Variants in RPAP1 observed in about 807,000 individuals in gnomAD.
RPAP1 encodes RNA polymerase II-associated protein 1.
A neutral mutation model predicts 142.4 loss-of-function variants in RPAP1; 109 were observed. The ratio of observed to expected loss-of-function variants is 0.77; its 90% CI spans 0.66 to 0.90. The LOEUF (loss-of-function observed/expected upper bound fraction) is 0.90. Among genes scored for constraint, RPAP1 ranks in the 40% least tolerant of loss-of-function variants. RPAP1 has a pLI of 0.00. For synonymous variants in RPAP1, 704 were observed against 738.9 expected (o/e 0.95, Z 0.77); for missense variants, 1,546 against 1,751.7 (o/e 0.88, Z 2.10).
In RPAP1 at chr15:41,534,893, C is replaced by A; in HGVS notation, c.584G>T (p.Cys195Phe). Residue 195 changes from cysteine (C) to phenylalanine (F), a missense_variant, in exon 6 of 25, where the codon TGC (cysteine) becomes TTC (phenylalanine). Cys to Phe is a radical substitution (Grantham distance 205, BLOSUM62 -2). This residue lies in a region of RPAP1 where 1,333 missense variants were observed against 1,486.6 expected (regional missense o/e 0.90). Coordinates refer to ENST00000304330, the MANE Select transcript of RPAP1 (RefSeq NM_015540.4). ...CETPTPRNQGCQLPGSSHSFQ... is the reference protein window; with the variant it reads ...CETPTPRNQGFQLPGSSHSFQ... ...GCTGTGGCTGCTCCCAGGAAGCTGG[C>A]AGCCCTGGTTCCTAGGAGTGGGTGT... The A allele has an allele frequency of 6.2e-7, 1 of 1,614,244 alleles. No homozygotes were observed. Among genetic ancestry groups the A allele is most frequent in the African/African-American group, 1.3e-5 (1 of 75,072 alleles).
chr15:41,520,470 C>T lies in RPAP1; in HGVS notation c.3716G>A (p.Arg1239Gln), dbSNP rs369007472. 6.8e-6 allele frequency: 11 copies of T among 1,613,968 alleles called. No homozygotes were observed. The highest frequency in any genetic ancestry group is 2.7e-5 in the African/African-American group (2 of 74,924). The part of the protein sequence containing the change: ...GALVLLPLQR[R>Q]FSVTLRLALF... ...GGCAAGGCGCAAGGTGACACTGAAC[C>T]GACGCTGCAGGGGCAGGAGGACCAG... is the stretch of plus-strand genomic sequence containing the variant. Residue 1239 changes from arginine (R) to glutamine (Q), a missense_variant, in exon 22 of 25, where the codon CGG (arginine) becomes CAG (glutamine). Transcript: ENST00000304330.
At chr15:41,528,559 GGA>G (rs367552869) in intron 9 of RPAP1, among the ~76,000 whole-genome samples, 2 of 152,174 alleles carry the variant, frequency 1.3e-5, no homozygotes, top group Non-Finnish European at 2.9e-5. Flanking sequence ...CCGGCGGACA[GGA>G]GAGAGAGAGA....
In RPAP1 at chr15:41,529,978, A is replaced by C. The variant is rs1239101077; in HGVS notation, c.945T>G (p.Ala315=). Residue 315 remains alanine (A), a splice_region_variant and synonymous_variant, in exon 8 of 25, where the codon GCT becomes GCG. Coordinates refer to ENST00000304330, the MANE Select transcript of RPAP1 (RefSeq NM_015540.4). The part of the protein sequence containing the change: ...KRDKLEPEAP[A]LALPVTPQKE... ...TCTGAGGGGTCACGGGCAATGCCAG[A>C]GCTGGGGAGACAAAGCATGATAGTA... 1.9e-6 allele frequency: 3 copies of C among 1,613,458 alleles called. No homozygotes were observed. The highest frequency in any genetic ancestry group is 2.5e-6 in the Non-Finnish European group (3 of 1,179,420).
At chr15:41,522,678 C>G in intron 19 of RPAP1, 87 bp downstream of exon 19, 1 of 1,070,964 alleles carries the variant, frequency 9.3e-7, no homozygotes, top group Non-Finnish European at 1.3e-6. Flanking sequence ...GCGTGAGCCA[C>G]CGCGCCCATC....
chr15:41,527,922 C>A lies in RPAP1; in HGVS notation c.1366G>T (p.Asp456Tyr). The change falls in exon 11 of 25, where the codon GAT (aspartate) becomes TAT (tyrosine). Residue 456 changes from aspartate (D) to tyrosine (Y), a missense_variant. Physicochemically the swap from Asp to Tyr is radical, Grantham distance 160. This residue lies in a region of RPAP1 where 1,333 missense variants were observed against 1,486.6 expected (regional missense o/e 0.90). Coordinates refer to ENST00000304330, the MANE Select transcript of RPAP1 (RefSeq NM_015540.4). ...CGGATGGCGGTTGCAATGACCCCAT[C>A]CACTCTGTCATCCAAGGAGAAGCGC... is the stretch of plus-strand genomic sequence containing the variant. Reference protein sequence around the residue: ...LLRFSLDDRVDGVIATAIRAL... With the variant: ...LLRFSLDDRVYGVIATAIRAL... 6.2e-7 allele frequency: 1 copy of A among 1,614,096 alleles called. No individual in the cohort carries two copies. The highest frequency in any genetic ancestry group is 8.5e-7 in the Non-Finnish European group (1 of 1,180,032).
Position 41,536,536 on chromosome 15 carries a change from C to G in RPAP1, c.295G>C (p.Asp99His), listed in dbSNP as rs369929143. ...EDPEERLRRH[D>H]QHITAVLTKI... ...GTCAAGACAGCAGTGATGTGCTGAT[C>G]ATGCCTCCTCAGCCTCTCTTCTGGG... The change falls in exon 3 of 25, where the codon GAT (aspartate) becomes CAT (histidine). Residue 99 changes from aspartate to histidine, a missense_variant. Physicochemically the swap from Asp to His is moderately conservative, Grantham distance 81. Coordinates refer to ENST00000304330, the MANE Select transcript of RPAP1 (RefSeq NM_015540.4). 6.2e-7 allele frequency: 1 copy of G among 1,614,158 alleles called. No homozygotes were observed. Among genetic ancestry groups the G allele is most frequent in the Non-Finnish European group, 8.5e-7 (1 of 1,180,020 alleles).
intron 1 of RPAP1, among the ~76,000 whole-genome samples, chr15:41,539,320 G>A (rs1437200571): frequency 1.3e-5 from 2 of 151,426 alleles, no homozygotes; most frequent in Admixed American, 6.6e-5. Flanking sequence ...TTGAGACGGA[G>A]TTTTGCTCTT....
chr15:41,520,863 C>T lies in RPAP1; in HGVS notation c.3323G>A (p.Arg1108His), dbSNP rs377151806. 1.1e-5 allele frequency: 18 copies of T among 1,613,678 alleles called. No individual in the cohort carries two copies. The highest frequency in any genetic ancestry group is 5.5e-5 in the South Asian group (5 of 91,078). The change falls in exon 22 of 25, where the codon CGC (arginine) becomes CAC (histidine). Residue 1108 changes from arginine to histidine, a missense_variant. Around this residue, in one of 3 missense-constraint regions of RPAP1, gnomAD observed 1,333 missense variants for 1,486.6 expected, o/e 0.90. Coordinates refer to ENST00000304330, the MANE Select transcript of RPAP1 (RefSeq NM_015540.4). The part of the protein sequence containing the change: ...PTDWPFLPLI[R>H]LYHRASDTPS... ...GGTGTCTGAAGCCCGGTGGTAGAGG[C>T]GAATCAGTGGCAGGAAGGGCCAGTC...
chr15:41,520,521 GAGAC>G lies in RPAP1; in HGVS notation c.3661_3664del (p.Val1221LeufsTer38), dbSNP rs750070522. On this transcript the variant is annotated frameshift_variant, in exon 22 of 25. Transcript: ENST00000304330. LOFTEE classifies it high-confidence loss of function. ...GGCCCCAAAGAGGTGGTCCCCAAAA[GAGAC>G]AGCCTCAAAATGATCCAGGAAGTTG... 6 of 1,614,056 alleles carry G rather than the reference GAGAC, an allele frequency of 3.7e-6. No individual in the cohort carries two copies. Among genetic ancestry groups the G allele is most frequent in the African/African-American group, 1.3e-5 (1 of 74,938 alleles).
intron 14 of RPAP1, 48 bp from the exon 15 acceptor site, chr15:41,525,196 G>A (rs1421764035): frequency 6.5e-7 from 1 of 1,529,486 alleles, no homozygotes; most frequent in Middle Eastern, 1.8e-4. Context: ...TGAGTCTCAA[G>A]TCCAGCTACT....
rs56840481 is a variant in RPAP1, at chr15:41,529,966, G to A, written c.957C>T (p.Pro319=). 677 of 1,613,984 alleles carry A rather than the reference G, an allele frequency of 4.2e-4. 3 individuals carry two copies. In the African/African-American group the frequency reaches 6.9e-3, roughly 16 times the overall value. The change falls in exon 8 of 25, where the codon CCC becomes CCT. Residue 319 remains proline, a synonymous_variant. Transcript: ENST00000304330. ...LEPEAPALAL[P]VTPQKEWLHM... ...GCAGCCATTCTTTCTGAGGGGTCACGGGCAATGCCAGAGCTGGGGAGACAA... is the reference window on the plus strand; with the variant it reads ...GCAGCCATTCTTTCTGAGGGGTCACAGGCAATGCCAGAGCTGGGGAGACAA...
intron 6 of RPAP1, chr15:41,533,330 G>A (rs919690994): frequency 2.6e-5 from 4 of 151,870 alleles, no homozygotes; most frequent in African/African-American, 9.7e-5. Flanking sequence ...AATTAGCCAA[G>A]CATGGTGGTA....
intron 14 of RPAP1, among the ~76,000 whole-genome samples, chr15:41,525,527 C>T (rs995755891): frequency 2.0e-5 from 3 of 151,904 alleles, no homozygotes; most frequent in South Asian, 2.1e-4. Context: ...TTAGTAGAGA[C>T]GGGGTTTCAT....
rs757283935 is a variant in RPAP1 at position 41,518,108 on chromosome 15, G to C, written c.3870C>G (p.Thr1290=). The change falls in exon 23 of 25, where the codon ACC becomes ACG. Residue 1290 remains threonine, a synonymous_variant. Coordinates refer to ENST00000304330, the MANE Select transcript of RPAP1 (RefSeq NM_015540.4). ...NLALLQLYFR[T]LVTGALRPRW... is the part of the protein sequence containing the mutation. ...GTGGGCGGAGCGCACCAGTAACCAG[G>C]GTCCGGAAGTAGAGCTGAAGGAGGG... The C allele has an allele frequency of 1.2e-6, 2 of 1,606,040 alleles. No individual in the cohort carries two copies. Among genetic ancestry groups the C allele is most frequent in the African/African-American group, 2.7e-5 (2 of 74,290 alleles).
chr15:41,521,664 A>G lies in RPAP1; in HGVS notation c.3038+74T>C, dbSNP rs903231381. The G allele has an allele frequency of 4.5e-6, 7 of 1,540,172 alleles. No individual in the cohort carries two copies. In the African/African-American group the frequency reaches 8.3e-5, roughly 18 times the overall value. On this transcript the variant is annotated intron_variant, in intron 21 of 24. Transcript: ENST00000304330. ...GAGAATTTAGGTCTCCTGGCTCCAA[A>G]TTCAGGGCTGCTCTGTTAACAACTG... is the stretch of plus-strand genomic sequence containing the variant.
Position 41,536,550 on chromosome 15 carries a change from C to T in RPAP1, c.281G>A (p.Arg94Lys). 1 of 1,614,224 alleles carries T rather than the reference C, an allele frequency of 6.2e-7. No homozygotes were observed. The highest frequency in any genetic ancestry group is 8.5e-7 in the Non-Finnish European group (1 of 1,180,044). ...CLPEDEDPEE[R>K]LRRHDQHITA... ...GATGTGCTGATCATGCCTCCTCAGC[C>T]TCTCTTCTGGGTCCTCATCCTCAGG... Residue 94 changes from arginine to lysine, a missense_variant, in exon 3 of 25, where the codon AGG (arginine) becomes AAG (lysine). Physicochemically the swap from Arg to Lys is conservative, Grantham distance 26. This residue lies in a region of RPAP1 where 1,333 missense variants were observed against 1,486.6 expected (regional missense o/e 0.90). Coordinates refer to ENST00000304330, the MANE Select transcript of RPAP1 (RefSeq NM_015540.4).
chr15:41,540,755 G>A (rs1306993389), intron 1 of RPAP1, among the ~76,000 whole-genome samples: 1 of 152,202 alleles, frequency 6.6e-6, no homozygotes, highest in South Asian at 2.1e-4. Context: ...GCCTACTGCT[G>A]TGTGGTGCCT....
chr15:41,531,627 ATT>A (rs150550154), intron 6 of RPAP1, among the ~76,000 whole-genome samples: 1 of 22,020 alleles, frequency 4.5e-5, no homozygotes, highest in African/African-American at 2.2e-4. Flanking sequence ...ATATATATAT[ATT>A]TTTTTTTTTT....
chr15:41,520,330 G>A (rs1442236319), intron 22 of RPAP1, 61 bp downstream of exon 22: 13 of 1,587,122 alleles, frequency 8.2e-6, no homozygotes, highest in Non-Finnish European at 1.1e-5. Context: ...TCAAGGCTCA[G>A]GACTGCCCCC....
Sources: gnomAD v4.1 joint callset for allele counts (sites outside exome capture counted in the v4.1 genomes callset) on GRCh38, gnomAD v4.1.1 for gene constraint, gnomAD v4.1.1 regional missense constraint, MANE v1.5 for transcripts, NCBI Gene and HGNC (gene_info 2026-07-23, HGNC 2026-07-21) for gene names.